RBMS3: variants seen among roughly 807,000 people sequenced by gnomAD.
The protein encoded by RBMS3 is RNA-binding motif, single-stranded-interacting protein 3.
In RBMS3, 27 loss-of-function variants were observed where a neutral mutation model predicts 66.8. That is an observed-to-expected ratio of 0.40 (90% CI 0.30 to 0.56). The LOEUF (loss-of-function observed/expected upper bound fraction) is 0.56, where lower values mean the gene tolerates loss of function less well. Among genes scored for constraint, RBMS3 ranks in the 20% least tolerant of loss-of-function variants. The probability of loss-of-function intolerance (pLI) is 0.40; values close to 1 mark genes in which losing one functional copy is unlikely to be tolerated. For missense variants in RBMS3, 513 were observed against 549.5 expected (o/e 0.93, Z 0.66); for synonymous variants, 188 against 183.0 (o/e 1.03, Z -0.22).
chr3:29,884,466 CT>C (rs1300541238), intron 8 of RBMS3, among the ~76,000 whole-genome samples: 4 of 89,174 alleles, frequency 4.5e-5, no homozygotes, highest in African/African-American at 1.1e-4. Context: ...CTCTCTCTCT[CT>C]CTCCCCCCCC....
chr3:29,990,986 A>C, intron 13 of RBMS3, 96 bp from the exon 14 acceptor site: 1 of 1,231,364 alleles, frequency 8.1e-7, no homozygotes, highest in South Asian at 1.4e-5. Flanking sequence ...GGGTATCTCT[A>C]CTTAAGCCAA....
intron 4 of RBMS3, among the ~76,000 whole-genome samples, chr3:29,683,860 G>A (rs370482121): frequency 4.9e-4 from 75 of 152,310 alleles, no homozygotes; most frequent in African/African-American, 1.8e-3. Flanking sequence ...GGGCTGGACA[G>A]GAATGACTAA....
chr3:29,633,625 T>G (rs1257682822), intron 4 of RBMS3, among the ~76,000 whole-genome samples: 1 of 151,778 alleles, frequency 6.6e-6, no homozygotes, highest in Non-Finnish European at 1.5e-5. Flanking sequence ...GGCACAAACC[T>G]GTTTCTACCC....
At position 29,331,815 on chromosome 3, in the gene RBMS3, CTTTTT is replaced by C. The variant is rs11354452; in HGVS notation, c.75+50080_75+50084del. ...AACTTACTCAAACCCAGGATAGCTC[CTTTTT>C]TTTTTTTTTTTTTTTTTTTTCCGTT... is the stretch of plus-strand genomic sequence containing the variant. On this transcript the variant is annotated intron_variant, in intron 1 of 14. Transcript: ENST00000383767. Among the ~76,000 whole-genome samples, 29 of 69,696 alleles carry C rather than the reference CTTTTT, an allele frequency of 4.2e-4. 1 individual carries two copies. The highest frequency in any genetic ancestry group is 1.7e-3 in the African/African-American group (27 of 16,142). The allele number at this position is 69,696 out of a possible 152,430, so 45.7% of individuals were successfully genotyped here.
At chr3:29,747,214 C>T (rs1010179335) in intron 5 of RBMS3, among the ~76,000 whole-genome samples, 3 of 152,174 alleles carry the variant, frequency 2.0e-5, no homozygotes, top group African/African-American at 7.2e-5. Context: ...TGGGCCAATA[C>T]ATTTATTCTC....
intron 3 of RBMS3, among the ~76,000 whole-genome samples, chr3:29,519,216 A>G (rs1035950207): frequency 2.0e-5 from 3 of 152,192 alleles, no homozygotes; most frequent in African/African-American, 7.2e-5. Context: ...TTATTTTGGT[A>G]TAGAAACTTA....
chr3:29,286,628 T>C (rs2032363395), intron 1 of RBMS3, among the ~76,000 whole-genome samples: 1 of 151,558 alleles, frequency 6.6e-6, no homozygotes, highest in African/African-American at 2.4e-5. Flanking sequence ...GGGCTGGGGG[T>C]AGGGATAATT....
chr3:29,666,547 G>A lies in RBMS3; in HGVS notation c.400-73173G>A, dbSNP rs149085778. Among the ~76,000 whole-genome samples the A allele has an allele frequency of 7.9e-3, 1,204 of 152,246 alleles. 25 individuals are homozygous for A. The highest frequency in any genetic ancestry group is 0.027 in the African/African-American group (1,105 of 41,540). ...TTCCAGAATCTTATATGGCTAACAT[G>A]TGGGTTAATGAGAAAGCTAACTCCT... On this transcript the variant is annotated intron_variant, in intron 4 of 14. Transcript: ENST00000383767.
At chr3:29,372,228 G>C (rs1450244145) in intron 1 of RBMS3, among the ~76,000 whole-genome samples, 1 of 152,162 alleles carries the variant, frequency 6.6e-6, no homozygotes, top group African/African-American at 2.4e-5. Context: ...TACTCAGGAG[G>C]CTGAGGCAGG....
chr3:29,885,567 T>A (rs1000550359), intron 8 of RBMS3, among the ~76,000 whole-genome samples: 1 of 151,960 alleles, frequency 6.6e-6, no homozygotes, highest in Non-Finnish European at 1.5e-5. Context: ...CAAAGTACTT[T>A]GTAATTTAGT....
At chr3:29,307,301 G>A (rs1478314404) in intron 1 of RBMS3, among the ~76,000 whole-genome samples, 1 of 152,052 alleles carries the variant, frequency 6.6e-6, no homozygotes, top group East Asian at 1.9e-4. Context: ...TTTCTCCAAT[G>A]TAAATATTTC....
intron 3 of RBMS3, among the ~76,000 whole-genome samples, chr3:29,549,182 C>T (rs548349762): frequency 3.3e-5 from 5 of 150,720 alleles, no homozygotes; most frequent in South Asian, 4.2e-4. Context: ...CTTCTTTTCC[C>T]CCAGTTCTTT....
At chr3:29,808,048 A>G (rs552250969) in intron 6 of RBMS3, among the ~76,000 whole-genome samples, 3 of 152,040 alleles carry the variant, frequency 2.0e-5, no homozygotes, top group Non-Finnish European at 2.9e-5. Context: ...TACTTCTCCA[A>G]CACCAGGTTT....
chr3:29,911,281 G>A lies in RBMS3; in HGVS notation c.939+11526G>A, dbSNP rs191610327. 2.1e-3 allele frequency among the ~76,000 whole-genome samples: 318 copies of A among 152,204 alleles called. 1 individual carries two copies. The highest frequency in any genetic ancestry group is 7.5e-3 in the African/African-American group (310 of 41,532). On this transcript the variant is annotated intron_variant, in intron 10 of 14. Transcript: ENST00000383767. ...TTGGTCCTATTCACCATGTGCTGCA[G>A]CTGGTGAACATCTAAGAGAAAGCAA...
chr3:29,470,796 C>T (rs2042698051), intron 2 of RBMS3, among the ~76,000 whole-genome samples: 1 of 152,042 alleles, frequency 6.6e-6, no homozygotes, highest in Non-Finnish European at 1.5e-5. Flanking sequence ...ATATTCCTGA[C>T]ATTTTTTGGT....
At chr3:29,935,486 A>G (rs974255660) in intron 10 of RBMS3, among the ~76,000 whole-genome samples, 10 of 152,132 alleles carry the variant, frequency 6.6e-5, no homozygotes, top group Non-Finnish European at 1.5e-4. Flanking sequence ...AAATATAGAT[A>G]GATAGAAAAC....
At chr3:29,513,682 G>T (rs1267277334) in intron 3 of RBMS3, among the ~76,000 whole-genome samples, 1 of 146,058 alleles carries the variant, frequency 6.8e-6, no homozygotes, top group Admixed American at 7.0e-5. Context: ...GGAGGACACA[G>T]AGTTTGTGAG....
intron 4 of RBMS3, among the ~76,000 whole-genome samples, chr3:29,702,172 T>G (rs2052631684): frequency 6.6e-6 from 1 of 151,730 alleles, no homozygotes; most frequent in Non-Finnish European, 1.5e-5. Flanking sequence ...GCTAATCTAG[T>G]GGGACTTGGA....
At chr3:29,541,847 C>T (rs2045775871) in intron 3 of RBMS3, among the ~76,000 whole-genome samples, 1 of 152,084 alleles carries the variant, frequency 6.6e-6, no homozygotes, top group African/African-American at 2.4e-5. Flanking sequence ...GCCCTCAGCC[C>T]TACTGTCTCC....
Sources: allele counts gnomAD v4.1 joint callset (sites outside exome capture counted in the v4.1 genomes callset), GRCh38; gene constraint gnomAD v4.1.1; transcripts MANE v1.5; gene names NCBI Gene and HGNC (gene_info 2026-07-23, HGNC 2026-07-21).